Variants in DMD observed in about 807,000 individuals in gnomAD.
The protein encoded by DMD is mutant dystrophin.
In DMD, 63 loss-of-function variants were observed where a neutral mutation model predicts 330.1. The ratio of observed to expected loss-of-function variants is 0.19; its 90% CI spans 0.16 to 0.24. The LOEUF is 0.24. Among genes scored for constraint, DMD ranks in the 10% least tolerant of loss-of-function variants. The pLI is 1.00. For synonymous variants in DMD, 1,223 were observed against 959.8 expected, an observed-to-expected ratio of 1.27 and a Z score of -5.07; for missense variants, 3,344 against 2,684.1, an observed-to-expected ratio of 1.25 and a Z score of -5.43.
At chrX:32,965,355 G>A (rs2092104685) in intron 2 of DMD, among the ~76,000 whole-genome samples, 1 of 109,802 alleles carries the variant, frequency 9.1e-6, no homozygotes, top group African/African-American at 3.3e-5. Context: ...TTATCCGGGT[G>A]TGGTGGCGCA....
At position 32,565,807 on chromosome X, in the gene DMD, T is replaced by C; in HGVS notation, c.1887A>G (p.Ser629=). 8.3e-7 allele frequency: 1 copy of C among 1,211,054 alleles called. No individual in the cohort carries two copies. The highest frequency in any genetic ancestry group is 1.1e-6 in the Non-Finnish European group (1 of 894,881). The change falls in exon 16 of 79, where the codon TCA becomes TCG. Residue 629 remains serine, a synonymous_variant. Transcript: ENST00000357033. ...GGGTCACTGACTTATTCTTCAGTGT[T>C]GAAAGAAGATCTTGTTTGAGTGAAT... ...KLYSLKQDLL[S]TLKNKSVTQK... is the part of the protein sequence containing the mutation.
chrX:31,351,270 C>A (rs191702592), intron 60 of DMD, among the ~76,000 whole-genome samples: 72 of 111,020 alleles, frequency 6.5e-4, no homozygotes, highest in Non-Finnish European at 1.1e-3. Context: ...TTATTCTTAA[C>A]TTTCCTTATC....
chrX:32,574,957 G>A (rs1038564515), intron 13 of DMD, among the ~76,000 whole-genome samples: 1 of 108,920 alleles, frequency 9.2e-6, no homozygotes, highest in African/African-American at 3.4e-5. Flanking sequence ...GAGTGCAATG[G>A]CACTATCTCA....
At chrX:31,436,136 C>T (rs2064508347) in intron 60 of DMD, among the ~76,000 whole-genome samples, 1 of 109,637 alleles carries the variant, frequency 9.1e-6, no homozygotes, top group African/African-American at 3.3e-5. Context: ...ACTAGGAACA[C>T]ATTCCATTTT....
chrX:32,191,886 G>A (rs950717977), intron 44 of DMD, among the ~76,000 whole-genome samples: 9 of 111,755 alleles, frequency 8.1e-5, no homozygotes, highest in African/African-American at 2.6e-4. Context: ...TATTTTTGAT[G>A]CATGGTTGCA....
At chrX:31,211,228 T>C (rs1235140912) in intron 64 of DMD, among the ~76,000 whole-genome samples, 2 of 112,124 alleles carry the variant, frequency 1.8e-5, no homozygotes, top group East Asian at 2.8e-4. Flanking sequence ...GAAGACTGCG[T>C]GGGAGGCTGG....
chrX:31,401,131 A>G (rs1198112162), intron 60 of DMD, among the ~76,000 whole-genome samples: 1 of 111,401 alleles, frequency 9.0e-6, no homozygotes, highest in Non-Finnish European at 1.9e-5. Context: ...AAATCCCTTT[A>G]AATTCTGAGA....
chrX:31,558,133 G>A (rs186844841), intron 55 of DMD, among the ~76,000 whole-genome samples: 19 of 112,308 alleles, frequency 1.7e-4, no homozygotes, highest in African/African-American at 4.5e-4. Flanking sequence ...TAACATTAGG[G>A]TGGAATGAAG....
intron 44 of DMD, among the ~76,000 whole-genome samples, chrX:32,104,934 C>T (rs1295230985): frequency 1.8e-5 from 2 of 112,161 alleles, no homozygotes; most frequent in African/African-American, 6.5e-5. Context: ...ACTATCAAAA[C>T]TGCATTTCCT....
chrX:33,132,641 G>A (rs1164192591), intron 1 of DMD, among the ~76,000 whole-genome samples: 1 of 112,372 alleles, frequency 8.9e-6, no homozygotes, highest in Non-Finnish European at 1.9e-5. Context: ...CCTAGGGCAA[G>A]GTATTTAAAC....
chrX:32,143,373 C>T (rs2096762700), intron 44 of DMD, among the ~76,000 whole-genome samples: 1 of 110,753 alleles, frequency 9.0e-6, no homozygotes, highest in Non-Finnish European at 1.9e-5. Context: ...TATATTTCTC[C>T]AGCACAGTTC....
chrX:32,747,588 C>G (rs1348586708), intron 7 of DMD, among the ~76,000 whole-genome samples: 3 of 112,246 alleles, frequency 2.7e-5, no homozygotes, highest in African/African-American at 9.7e-5. Context: ...TTTAAGCAAT[C>G]CTGATCCTCC....
chrX:32,033,619 A>C lies in DMD; in HGVS notation c.6439-65105T>G, dbSNP rs372217456. 2.0e-4 allele frequency among the ~76,000 whole-genome samples: 14 copies of C among 71,220 alleles called. 1 individual carries two copies. Among genetic ancestry groups the C allele is most frequent in the South Asian group, 7.4e-4 (1 of 1,358 alleles). 61.8% of individuals were successfully genotyped at this position (71,220 alleles called of 115,157 possible). The stretch of plus-strand genomic sequence containing the variant: ...ACAGACAGACAGAAAGAAAGAAAGA[A>C]AGAAAGAAAGAAAGAAAGAAAGAAA... On this transcript the variant is annotated intron_variant, in intron 44 of 78. Coordinates refer to ENST00000357033, the MANE Select transcript of DMD (RefSeq NM_004006.3).
chrX:31,801,335 G>A (rs1407288053), intron 50 of DMD, among the ~76,000 whole-genome samples: 1 of 110,737 alleles, frequency 9.0e-6, no homozygotes, highest in Non-Finnish European at 1.9e-5. Flanking sequence ...ACAGCATGGG[G>A]GGAAACAAAC....
intron 44 of DMD, among the ~76,000 whole-genome samples, chrX:32,199,661 C>T (rs764921774): frequency 9.2e-6 from 1 of 108,634 alleles, no homozygotes; most frequent in Non-Finnish European, 1.9e-5. Context: ...TCACCCAGGT[C>T]GGAGTGCAGT....
intron 44 of DMD, among the ~76,000 whole-genome samples, chrX:32,172,990 TG>T (rs2096893123): frequency 9.0e-6 from 1 of 110,541 alleles, no homozygotes; most frequent in African/African-American, 3.3e-5. Flanking sequence ...TATAGGATTT[TG>T]TTTTAAGGAC....
intron 1 of DMD, among the ~76,000 whole-genome samples, chrX:33,286,660 GT>G (rs2053437914): frequency 8.9e-6 from 1 of 111,847 alleles, no homozygotes; most frequent in South Asian, 3.7e-4. Flanking sequence ...ATGTGTGTAT[GT>G]TCTTTACAAA....
At chrX:33,282,475 G>C (rs1264046175) in intron 1 of DMD, among the ~76,000 whole-genome samples, 1 of 111,481 alleles carries the variant, frequency 9.0e-6, no homozygotes, top group Non-Finnish European at 1.9e-5. Context: ...ACTTAGAGTG[G>C]TAAAATCCCT....
chrX:32,757,947 C>CAGGAGGAGG (rs1220730003), intron 7 of DMD, among the ~76,000 whole-genome samples: 1 of 111,229 alleles, frequency 9.0e-6, no homozygotes, highest in African/African-American at 3.3e-5. Context: ...GCTCTAGCAA[C>CAGGAGGAGG]AGGAGGAGGA....
Sources: gnomAD v4.1 joint callset for allele counts (sites outside exome capture counted in the v4.1 genomes callset) on GRCh38, gnomAD v4.1.1 for gene constraint, MANE v1.5 for transcripts, NCBI Gene and HGNC (gene_info 2026-07-23, HGNC 2026-07-21) for gene names.